The following DHX40 variants were observed in gnomAD, a reference collection of about 807,000 sequenced individuals.
DHX40 encodes the protein probable ATP-dependent RNA helicase DHX40.
A neutral mutation model predicts 89.6 loss-of-function variants in DHX40; 28 were observed. The ratio of observed to expected loss-of-function variants is 0.31; its 90% CI spans 0.23 to 0.43. DHX40 has a LOEUF of 0.43. DHX40 is among the 20% of genes least tolerant of loss of function. The pLI, the probability that DHX40 is intolerant of heterozygous loss-of-function variation, is 1.00. For missense variants in DHX40, 457 were observed against 844.0 expected, an observed-to-expected ratio of 0.54 and a Z score of 5.68; for synonymous variants, 226 against 283.6, an observed-to-expected ratio of 0.80 and a Z score of 2.04.
chr17:59,576,112 C>T (rs1217247376), intron 7 of DHX40, among the ~76,000 whole-genome samples: 2 of 147,520 alleles, frequency 1.4e-5, no homozygotes, highest in Non-Finnish European at 3.0e-5. Flanking sequence ...CCATGTTGGC[C>T]AGGCTGGTTT....
intron 2 of DHX40, among the ~76,000 whole-genome samples, chr17:59,568,777 G>A (rs532564270): frequency 9.2e-5 from 14 of 151,644 alleles, no homozygotes; most frequent in Admixed American, 5.3e-4. Context: ...ATGGAAATGC[G>A]CCATCGATTT....
rs1276379944 is a variant in DHX40 at position 59,597,514 on chromosome 17, G to A, written c.1583-1223G>A. Among the ~76,000 whole-genome samples, 9 of 151,472 alleles carry A rather than the reference G, an allele frequency of 5.9e-5. No individual in the cohort carries two copies. In the South Asian group the frequency reaches 1.9e-3, roughly 32 times the overall value. ...TTGGGAATTGGATAAATAAGAACTG[G>A]TTAAATTGTGTTATGTTCCCCATAC... On this transcript the variant is annotated intron_variant, in intron 12 of 17. Transcript: ENST00000251241.
At chr17:59,590,060 C>T (rs553550583) in intron 12 of DHX40, among the ~76,000 whole-genome samples, 1 of 151,872 alleles carries the variant, frequency 6.6e-6, no homozygotes, top group East Asian at 1.9e-4. Flanking sequence ...TTTTATAGTA[C>T]ATTAGTAATT....
chr17:59,588,137 T>C (rs2049025530), intron 12 of DHX40, 84 bp downstream of exon 12: 1 of 1,579,502 alleles, frequency 6.3e-7, no homozygotes. Flanking sequence ...TCCCATCACT[T>C]TGGGAGGGCA....
intron 12 of DHX40, among the ~76,000 whole-genome samples, chr17:59,589,442 C>G (rs2049050020): frequency 1.4e-5 from 2 of 147,260 alleles, no homozygotes; most frequent in African/African-American, 5.0e-5. Context: ...AGGATGGTCT[C>G]AATCTCCTGA....
chr17:59,588,143 G>A (rs1298299891), intron 12 of DHX40, 90 bp downstream of exon 12: 29 of 1,560,566 alleles, frequency 1.9e-5, no homozygotes, highest in South Asian at 7.1e-5. Flanking sequence ...CACTTTGGGA[G>A]GGCAAGGCAG....
rs769441114 is a variant in DHX40, at chr17:59,565,641, G to A, written c.-31G>A. On this transcript the variant is annotated 5_prime_UTR_variant, in exon 1 of 18. Coordinates refer to ENST00000251241, the MANE Select transcript of DHX40 (RefSeq NM_024612.5). ...CCCCTCCCATCTCCTCAGATCGGTGGACGTGCTCGCCTCCACTCGGGGCCA... is the reference window on the plus strand; with the variant it reads ...CCCCTCCCATCTCCTCAGATCGGTGAACGTGCTCGCCTCCACTCGGGGCCA... 6.3e-7 allele frequency: 1 copy of A among 1,583,892 alleles called. No individual in the cohort carries two copies. Among genetic ancestry groups the A allele is most frequent in the Admixed American group, 1.7e-5 (1 of 58,886 alleles).
At chr17:59,570,814 C>G in intron 3 of DHX40, 151 bp downstream of exon 3, 1 of 650,370 alleles carries the variant, frequency 1.5e-6, no homozygotes, top group Non-Finnish European at 2.4e-6. Flanking sequence ...CCTTGGGTAG[C>G]TGGGACTACA....
At chr17:59,606,344 T>C (rs1191890618) in intron 17 of DHX40, among the ~76,000 whole-genome samples, 1 of 152,210 alleles carries the variant, frequency 6.6e-6, no homozygotes, top group East Asian at 1.9e-4. Flanking sequence ...GTAAAGCTTT[T>C]TGAGGCTGAA....
intron 11 of DHX40, among the ~76,000 whole-genome samples, chr17:59,586,539 G>A (rs1236900306): frequency 7.9e-5 from 12 of 151,772 alleles, no homozygotes; most frequent in African/African-American, 2.2e-4. Context: ...GGTGGTGGGC[G>A]CCTGTAGTCC....
chr17:59,588,761 G>T (rs1053120487), intron 12 of DHX40, among the ~76,000 whole-genome samples: 1 of 152,198 alleles, frequency 6.6e-6, no homozygotes, highest in Non-Finnish European at 1.5e-5. Context: ...CTTTTGCAGA[G>T]CGGAAGTTTT....
chr17:59,603,668 A>G (rs1598180900), intron 15 of DHX40: 1 of 152,204 alleles, frequency 6.6e-6, no homozygotes, highest in East Asian at 1.9e-4. Flanking sequence ...GTAAAAGTTT[A>G]TTGAGAAATG....
At chr17:59,570,484 CATT>C (rs776915556) in intron 2 of DHX40, 31 bp from the exon 3 acceptor site, 885 of 1,568,330 alleles carry the variant, frequency 5.6e-4, no homozygotes, top group Non-Finnish European at 7.1e-4. Context: ...CAATTGCTAA[CATT>C]GTTGTGTTTC....
intron 7 of DHX40, 41 bp downstream of exon 7, chr17:59,575,512 A>T: frequency 3.7e-6 from 6 of 1,601,528 alleles, no homozygotes; most frequent in Non-Finnish European, 5.1e-6. Context: ...TTTTTAAAAA[A>T]ACTTTTTATT....
chr17:59,565,769 G>C lies in DHX40; in HGVS notation c.98G>C (p.Cys33Ser), dbSNP rs755438586. 6.2e-7 allele frequency: 1 copy of C among 1,602,336 alleles called. No individual in the cohort carries two copies. The highest frequency in any genetic ancestry group is 1.3e-5 in the African/African-American group (1 of 74,716). Residue 33 changes from cysteine (C) to serine (S), a missense_variant, in exon 1 of 18, where the codon TGC (cysteine) becomes TCC (serine). Physicochemically the swap from Cys to Ser is moderately radical, Grantham distance 112. Transcript: ENST00000251241. ...DLQEERLSAV[C>S]IADREEKGCT... The stretch of plus-strand genomic sequence containing the variant: ...CAGGAAGAGCGGCTCTCGGCTGTTT[G>C]CATCGCCGATAGAGGTGCGGTCCGC...
chr17:59,577,116 G>A (rs1217423770), intron 7 of DHX40, 150 bp from the exon 8 acceptor site: 8 of 681,480 alleles, frequency 1.2e-5, no homozygotes, highest in Middle Eastern at 2.4e-4. Context: ...TGATCCTCCC[G>A]CCTCAGCCTC....
chr17:59,607,189 A>G lies in DHX40; in HGVS notation c.*17A>G. The G allele has an allele frequency of 1.9e-6, 3 of 1,614,184 alleles. No individual in the cohort carries two copies. Among genetic ancestry groups the G allele is most frequent in the Non-Finnish European group, 2.5e-6 (3 of 1,180,028 alleles). ...ACAGGCTAAGGTGGTGAACCCTCCA[A>G]TTCAGGAAGTGGGAAAAGGAGCCAG... On this transcript the variant is annotated 3_prime_UTR_variant, in exon 18 of 18. Coordinates refer to ENST00000251241, the MANE Select transcript of DHX40 (RefSeq NM_024612.5).
At chr17:59,600,706 T>C (rs1056606404) in intron 14 of DHX40, among the ~76,000 whole-genome samples, 3 of 151,946 alleles carry the variant, frequency 2.0e-5, no homozygotes, top group African/African-American at 7.3e-5. Context: ...AATTAGCTTG[T>C]TGTGTTGGCA....
chr17:59,566,905 C>A, intron 2 of DHX40, 111 bp downstream of exon 2: 1 of 898,784 alleles, frequency 1.1e-6, no homozygotes, highest in African/African-American at 1.8e-5. Context: ...TATAGTCCCG[C>A]TTCTCTTGGC....
Sources: allele counts gnomAD v4.1 joint callset (sites outside exome capture counted in the v4.1 genomes callset), GRCh38; gene constraint gnomAD v4.1.1; transcripts MANE v1.5; gene names NCBI Gene and HGNC (gene_info 2026-07-23, HGNC 2026-07-21).